The following FAT3 variants were observed in gnomAD, a reference collection of about 807,000 sequenced individuals.
The protein encoded by FAT3 is FAT atypical cadherin 3.
FAT3 carries 95 observed loss-of-function variants against 310.2 expected under a neutral mutation model. That is an observed-to-expected ratio of 0.31 (90% CI 0.26 to 0.36). FAT3 has a LOEUF of 0.36. Among genes scored for constraint, FAT3 ranks in the 10% least tolerant of loss-of-function variants. FAT3 has a pLI of 1.00. For synonymous variants in FAT3, 2,314 were observed against 2,192.9 expected (o/e 1.06, Z -1.54); for missense variants, 5,408 against 5,715.6 (o/e 0.95, Z 1.74).
At chr11:92,606,310 C>T (rs1434216873) in intron 3 of FAT3, among the ~76,000 whole-genome samples, 2 of 152,168 alleles carry the variant, frequency 1.3e-5, no homozygotes, top group African/African-American at 4.8e-5. Flanking sequence ...TGAAGCCACA[C>T]CATCCCTTCC....
intron 21 of FAT3, 22 bp from the exon 22 acceptor site, chr11:92,866,719 G>T (rs767490728): frequency 6.2e-7 from 1 of 1,602,690 alleles, no homozygotes; most frequent in Non-Finnish European, 8.5e-7. Context: ...GAAAAGTGCT[G>T]CACTGTTCCT....
chr11:92,731,430 A>T (rs2096582569), intron 4 of FAT3, among the ~76,000 whole-genome samples: 1 of 151,852 alleles, frequency 6.6e-6, no homozygotes, highest in African/African-American at 2.4e-5. Context: ...TTGTTGAGAA[A>T]TATGGACCTA....
At chr11:92,461,373 A>G (rs1269126444) in intron 2 of FAT3, among the ~76,000 whole-genome samples, 2 of 152,224 alleles carry the variant, frequency 1.3e-5, no homozygotes, top group Non-Finnish European at 2.9e-5. Flanking sequence ...AAGTAATGAT[A>G]GACAAAATCA....
At chr11:92,749,600 A>T (rs978664204) in intron 4 of FAT3, among the ~76,000 whole-genome samples, 31 of 152,174 alleles carry the variant, frequency 2.0e-4, no homozygotes, top group African/African-American at 7.5e-4. Flanking sequence ...GTTTCCCTTT[A>T]TCCTGGGGTT....
rs1257909547 is a variant in FAT3 at position 92,894,356 on chromosome 11, T to A, written c.*3243T>A. ...TTATACTGTTACCTACTGGTTGCAT[T>A]TTTGGTTTTGGTTTTGCATTTTTTT... On this transcript the variant is annotated 3_prime_UTR_variant, in exon 28 of 28. Coordinates refer to ENST00000525166, the MANE Select transcript of FAT3 (RefSeq NM_001367949.2). 1 of 151,966 alleles carries A rather than the reference T, an allele frequency of 6.6e-6. No homozygotes were observed. The highest frequency in any genetic ancestry group is 1.5e-5 in the Non-Finnish European group (1 of 67,930). The allele number at this position is 151,966 out of a possible 1,614,324, so 9.4% of individuals were successfully genotyped here. A position where few individuals can be genotyped will look rare whatever the true frequency, so the allele number is the denominator to read the frequency against.
intron 3 of FAT3, among the ~76,000 whole-genome samples, chr11:92,687,903 ATCT>A: frequency 6.6e-6 from 1 of 152,142 alleles, no homozygotes; most frequent in Non-Finnish European, 1.5e-5. Flanking sequence ...CATGCCTCAG[ATCT>A]AAAGTCAAAA....
chr11:92,666,889 C>T (rs370403651), intron 3 of FAT3, among the ~76,000 whole-genome samples: 1 of 152,290 alleles, frequency 6.6e-6, no homozygotes, highest in South Asian at 2.1e-4. Context: ...CATCTCCTCA[C>T]ACTCCATTGG....
At position 92,762,050 on chromosome 11, in the gene FAT3, C is replaced by T. The variant is rs199946149; in HGVS notation, c.3864C>T (p.Asn1288=). Residue 1288 remains asparagine (N), a synonymous_variant, in exon 5 of 28, where the codon AAC becomes AAT. Coordinates refer to ENST00000525166, the MANE Select transcript of FAT3 (RefSeq NM_001367949.2). ...CATTTGATAGAGATGAGGGCCCCAACGCAGAAATCTCCTACAGTATTGTGG... is the reference window on the plus strand; with the variant it reads ...CATTTGATAGAGATGAGGGCCCCAATGCAGAAATCTCCTACAGTATTGTGG... ...AFAFDRDEGP[N]AEISYSIVDG... 8.2e-5 allele frequency: 132 copies of T among 1,613,900 alleles called. 3 individuals carry two copies. Among genetic ancestry groups the T allele is most frequent in the South Asian group, 4.6e-4 (42 of 91,076 alleles).
chr11:92,492,432 T>C (rs981226015), intron 2 of FAT3, among the ~76,000 whole-genome samples: 4 of 152,074 alleles, frequency 2.6e-5, no homozygotes, highest in Non-Finnish European at 5.9e-5. Context: ...GAGATCATAA[T>C]AATTAGCAAG....
At chr11:92,704,135 C>A (rs1944189538) in intron 4 of FAT3, among the ~76,000 whole-genome samples, 1 of 152,188 alleles carries the variant, frequency 6.6e-6, no homozygotes, top group African/African-American at 2.4e-5. Flanking sequence ...TGGATTGACC[C>A]AGGTGTCAAG....
At chr11:92,746,479 A>G (rs1243099887) in intron 4 of FAT3, among the ~76,000 whole-genome samples, 1 of 152,212 alleles carries the variant, frequency 6.6e-6, no homozygotes, top group African/African-American at 2.4e-5. Context: ...TTACAATTCA[A>G]GGTGAGATTT....
chr11:92,301,865 G>A (rs922625541), intron 1 of FAT3, among the ~76,000 whole-genome samples: 9 of 152,014 alleles, frequency 5.9e-5, no homozygotes, highest in African/African-American at 1.9e-4. Context: ...GAATCCATAC[G>A]ATTCCTCACC....
intron 2 of FAT3, among the ~76,000 whole-genome samples, chr11:92,395,362 CT>C (rs1250445603): frequency 3.3e-5 from 5 of 152,130 alleles, no homozygotes; most frequent in Non-Finnish European, 5.9e-5. Context: ...TATCAGGTCT[CT>C]TCTGTACATG....
chr11:92,750,358 G>T (rs555476452), intron 4 of FAT3, among the ~76,000 whole-genome samples: 1 of 152,144 alleles, frequency 6.6e-6, no homozygotes, highest in Non-Finnish European at 1.5e-5. Context: ...ATAGGGGGAA[G>T]GTATGCAGTG....
At chr11:92,637,509 T>G (rs1941807668) in intron 3 of FAT3, among the ~76,000 whole-genome samples, 1 of 152,226 alleles carries the variant, frequency 6.6e-6, no homozygotes, top group Admixed American at 6.5e-5. Flanking sequence ...TTCCAAAGAA[T>G]GGCAATAACT....
At chr11:92,529,877 T>G (rs1378395715) in intron 3 of FAT3, among the ~76,000 whole-genome samples, 1 of 152,226 alleles carries the variant, frequency 6.6e-6, no homozygotes, top group Admixed American at 6.5e-5. Context: ...TTTCTTTTGC[T>G]TTCTGTGAGC....
rs757729567 is a variant in FAT3 at position 92,799,319 on chromosome 11, G to C, written c.6306G>C (p.Leu2102=). The change falls in exon 10 of 28, where the codon CTG becomes CTC. Residue 2102 remains leucine (L), a synonymous_variant. Transcript: ENST00000525166. ...AAGTGGATGCGGAACCCGGGACTCT[G>C]ATTTATCAGGTGACAGCCATTGACA... The part of the protein sequence containing the change: ...AVQVDAEPGT[L]IYQVTAIDKD... 8 of 1,613,876 alleles carry C rather than the reference G, an allele frequency of 5.0e-6. 1 individual carries two copies. In the South Asian group the frequency reaches 7.7e-5, roughly 16 times the overall value.
chr11:92,414,341 G>C (rs969103197), intron 2 of FAT3, among the ~76,000 whole-genome samples: 6 of 152,270 alleles, frequency 3.9e-5, no homozygotes, highest in African/African-American at 1.4e-4. Context: ...ACAGTTTGAT[G>C]CTTAAAAAGA....
chr11:92,299,403 G>C (rs1245315164), intron 1 of FAT3, among the ~76,000 whole-genome samples: 1 of 152,116 alleles, frequency 6.6e-6, no homozygotes, highest in Non-Finnish European at 1.5e-5. Context: ...AGTTAGTCTA[G>C]ATAATAGGTG....
Sources: gnomAD v4.1 joint callset for allele counts (sites outside exome capture counted in the v4.1 genomes callset) on GRCh38, gnomAD v4.1.1 for gene constraint, MANE v1.5 for transcripts, NCBI Gene and HGNC (gene_info 2026-07-23, HGNC 2026-07-21) for gene names.